Variants in RFFL observed in about 807,000 individuals in gnomAD.
RFFL encodes the protein ring finger and FYVE like domain containing E3 ubiquitin protein ligase.
RFFL carries 16 observed loss-of-function variants against 40.4 expected under a neutral mutation model. The observed-to-expected ratio is 0.40, with a 90% CI of 0.27 to 0.60. The LOEUF (loss-of-function observed/expected upper bound fraction) is 0.60. RFFL is among the 20% of genes least tolerant of loss of function. RFFL has a pLI of 0.47. For synonymous variants in RFFL, 154 were observed against 167.9 expected (o/e 0.92, Z 0.64); for missense variants, 367 against 451.7 (o/e 0.81, Z 1.70).
chr17:35,027,585 G>A (rs866675941), intron 1 of RFFL, among the ~76,000 whole-genome samples: 2 of 152,076 alleles, frequency 1.3e-5, no homozygotes, highest in African/African-American at 2.4e-5. Flanking sequence ...TTAGCAGGGT[G>A]TGGTGGCGCA....
chr17:35,075,815 C>T (rs891958583), intron 1 of RFFL, among the ~76,000 whole-genome samples: 5 of 151,974 alleles, frequency 3.3e-5, no homozygotes, highest in African/African-American at 1.2e-4. Flanking sequence ...AAAAGCGTCT[C>T]GAAGAAATTG....
intron 3 of RFFL, among the ~76,000 whole-genome samples, chr17:35,018,163 C>T (rs1166359200): frequency 6.6e-6 from 1 of 152,142 alleles, no homozygotes; most frequent in Non-Finnish European, 1.5e-5. Context: ...AGATCATCAC[C>T]ACCCTAGTCT....
chr17:35,023,755 ACT>A (rs772057926), intron 2 of RFFL, among the ~76,000 whole-genome samples: 2 of 152,098 alleles, frequency 1.3e-5, no homozygotes, highest in Non-Finnish European at 2.9e-5. Flanking sequence ...GATCCAAACA[ACT>A]CTCTATTCTT....
upstream of RFFL, among the ~76,000 whole-genome samples, chr17:35,065,574 A>G (rs12325934): frequency 3.6e-3 from 542 of 152,072 alleles, 1 homozygote; most frequent in African/African-American, 0.011. Context: ...AAAAAAAAAA[A>G]AAAGAAAGAG....
chr17:35,021,279 A>C, intron 3 of RFFL, 92 bp downstream of exon 3: 1 of 1,286,010 alleles, frequency 7.8e-7, no homozygotes, highest in Non-Finnish European at 1.1e-6. Context: ...ACTTAGCCTT[A>C]TACCCCATTC....
At chr17:35,079,127 T>G (rs892177213) in intron 1 of RFFL, among the ~76,000 whole-genome samples, 4 of 152,136 alleles carry the variant, frequency 2.6e-5, no homozygotes, top group African/African-American at 9.7e-5. Context: ...CAAATAAAAC[T>G]AGAGGCTTAT....
At chr17:35,023,977 A>T (rs1174872025) in intron 2 of RFFL, among the ~76,000 whole-genome samples, 3 of 152,256 alleles carry the variant, frequency 2.0e-5, no homozygotes, top group Non-Finnish European at 4.4e-5. Flanking sequence ...CAACAAATGC[A>T]GGCAGAATGA....
At chr17:35,039,367 G>A (rs1356048916) in intron 1 of RFFL, among the ~76,000 whole-genome samples, 4 of 150,514 alleles carry the variant, frequency 2.7e-5, no homozygotes, top group African/African-American at 7.3e-5. Context: ...TTACAGGCAC[G>A]TGCCATCACA....
rs2091009772 is a variant in RFFL at position 35,021,673 on chromosome 17, G to T, written c.289C>A (p.Gln97Lys). Residue 97 changes from glutamine (Q) to lysine (K), a missense_variant, in exon 3 of 7, where the codon CAG becomes AAG. Physicochemically the swap from Gln to Lys is moderately conservative, Grantham distance 53. Coordinates refer to ENST00000394597, the MANE Select transcript of RFFL (RefSeq NM_001017368.2). ...TTCATCTTCATGAGCTCCTCTCGCT[G>T]AAAGGCTGTAGCTCGAAACCGTTGG... is the stretch of plus-strand genomic sequence containing the variant. ...LCQRFRATAF[Q>K]REELMKMKVK... 2.5e-6 allele frequency: 4 copies of T among 1,614,128 alleles called. No homozygotes were observed. Among genetic ancestry groups the T allele is most frequent in the Admixed American group, 3.3e-5 (2 of 60,006 alleles).
In RFFL at chr17:35,054,637, G is replaced by C. The variant is rs535144069; in HGVS notation, c.-9+8939C>G. 9.5e-4 allele frequency among the ~76,000 whole-genome samples: 144 copies of C among 151,880 alleles called. 1 individual carries two copies. The highest frequency in any genetic ancestry group is 1.7e-3 in the Non-Finnish European group (117 of 67,962). On this transcript the variant is annotated intron_variant, in intron 1 of 6. Coordinates refer to ENST00000394597, the MANE Select transcript of RFFL (RefSeq NM_001017368.2). ...GTTGCTAACAAATTCATACAGCTGG[G>C]GTAAGCCATCACTGGGCTCTAAAAA...
intron 6 of RFFL, among the ~76,000 whole-genome samples, chr17:35,013,246 A>G (rs2090952019): frequency 6.6e-6 from 1 of 152,258 alleles, no homozygotes; most frequent in Non-Finnish European, 1.5e-5. Context: ...CTGCTCTAGA[A>G]TGGCCTTCTG....
intron 1 of RFFL, among the ~76,000 whole-genome samples, chr17:35,062,556 T>C (rs1276820968): frequency 6.6e-6 from 1 of 152,088 alleles, no homozygotes; most frequent in Non-Finnish European, 1.5e-5. Context: ...CATACTATGA[T>C]TGGAGTAAAT....
intron 1 of RFFL, among the ~76,000 whole-genome samples, chr17:35,044,177 C>T (rs1370135660): frequency 6.6e-6 from 1 of 152,196 alleles, no homozygotes; most frequent in Non-Finnish European, 1.5e-5. Flanking sequence ...TAGCCTTGAG[C>T]GATCGTCCCA....
chr17:35,029,952 T>C (rs1254057310), intron 1 of RFFL, among the ~76,000 whole-genome samples: 1 of 151,138 alleles, frequency 6.6e-6, no homozygotes, highest in African/African-American at 2.5e-5. Context: ...TTTGGTTTTT[T>C]GTCCTTGCAA....
intron 2 of RFFL, among the ~76,000 whole-genome samples, chr17:35,023,721 A>C (rs901969916): frequency 6.6e-6 from 1 of 152,218 alleles, no homozygotes; most frequent in Non-Finnish European, 1.5e-5. Flanking sequence ...CACAATTATA[A>C]AGCCTGCGTT....
At chr17:35,040,841 C>CTTT (rs869061281) in intron 1 of RFFL, among the ~76,000 whole-genome samples, 2 of 62,392 alleles carry the variant, frequency 3.2e-5, no homozygotes, top group Non-Finnish European at 6.5e-5. Context: ...GCTTTAATGT[C>CTTT]TTTTTTTTTT....
At position 35,009,730 on chromosome 17, in the gene RFFL, A is replaced by G. The variant is rs1251521597; in HGVS notation, c.*2238T>C. On this transcript the variant is annotated 3_prime_UTR_variant, in exon 7 of 7. Coordinates refer to ENST00000394597, the MANE Select transcript of RFFL (RefSeq NM_001017368.2). ...GAGGTTACTAACCAGCTATCAGTAT[A>G]TTATTTTCGATTTGTGTCTAGGAGG... 1 of 152,322 alleles carries G rather than the reference A, an allele frequency of 6.6e-6. No homozygotes were observed. The highest frequency in any genetic ancestry group is 1.5e-5 in the Non-Finnish European group (1 of 68,036). 9.4% of individuals were successfully genotyped at this position (152,322 alleles called of 1,614,324 possible).
upstream of RFFL, among the ~76,000 whole-genome samples, chr17:35,066,832 T>C (rs1334633010): frequency 2.6e-5 from 4 of 152,072 alleles, no homozygotes; most frequent in East Asian, 1.9e-4. Context: ...TAATTAATGA[T>C]TGCCAAATTC....
At chr17:35,060,405 A>T (rs1036806474) in intron 1 of RFFL, among the ~76,000 whole-genome samples, 1 of 152,228 alleles carries the variant, frequency 6.6e-6, no homozygotes, top group Admixed American at 6.5e-5. Context: ...TAACTACTAT[A>T]TTAAGAGACA....
Sources: gnomAD v4.1 joint callset for allele counts (sites outside exome capture counted in the v4.1 genomes callset) on GRCh38, gnomAD v4.1.1 for gene constraint, MANE v1.5 for transcripts, NCBI Gene and HGNC (gene_info 2026-07-23, HGNC 2026-07-21) for gene names.